Variants in SLC9B1 observed in about 807,000 individuals in gnomAD.
SLC9B1 encodes the protein solute carrier family 9 member B1, also known as sodium/hydrogen exchanger 9B1.
In SLC9B1, 32 loss-of-function variants were observed where a neutral mutation model predicts 51.7. That is an observed-to-expected ratio of 0.62 (90% CI 0.47 to 0.83). The LOEUF (loss-of-function observed/expected upper bound fraction) is 0.83, where lower values mean the gene tolerates loss of function less well. Among genes scored for constraint, SLC9B1 ranks in the 40% least tolerant of loss-of-function variants. SLC9B1 has a pLI of 0.00. For missense variants in SLC9B1, 406 were observed against 613.2 expected, an observed-to-expected ratio of 0.66 and a Z score of 3.57; for synonymous variants, 145 against 212.7, an observed-to-expected ratio of 0.68 and a Z score of 2.77.
intron 1 of SLC9B1, among the ~76,000 whole-genome samples, chr4:102,997,449 A>C (rs1740285359): frequency 6.6e-6 from 1 of 152,168 alleles, no homozygotes; most frequent in African/African-American, 2.4e-5. Context: ...AAAAATTATA[A>C]CTTTAAAAAT....
intron 6 of SLC9B1, among the ~76,000 whole-genome samples, chr4:102,943,537 A>ACACACACACACC (rs369522217): frequency 2.6e-5 from 4 of 151,544 alleles, no homozygotes; most frequent in African/African-American, 7.3e-5. Flanking sequence ...ACACACACAC[A>ACACACACACACC]CCATCGACAG....
At chr4:102,945,759 T>C (rs1410866239) in intron 5 of SLC9B1, among the ~76,000 whole-genome samples, 5 of 152,126 alleles carry the variant, frequency 3.3e-5, no homozygotes, top group Non-Finnish European at 7.4e-5. Context: ...GGGAGAACTT[T>C]TCAATGTTCT....
At chr4:102,962,969 T>C (rs1738218804) in intron 3 of SLC9B1, 3 of 461,768 alleles carry the variant, frequency 6.5e-6, no homozygotes, top group Non-Finnish European at 1.3e-5. Flanking sequence ...GGAATCCATC[T>C]TGAATGTTGT....
Position 102,945,317 on chromosome 4 carries a change from A to G in SLC9B1, c.529T>C (p.Leu177=). Residue 177 remains leucine (L), a synonymous_variant, in exon 6 of 12, where the codon TTG becomes CTG. Coordinates refer to ENST00000296422, the MANE Select transcript of SLC9B1 (RefSeq NM_139173.4). ...AAACAAACGACCTTCAAATGCCTCA[A>G]AGCCTGAAACACAAAACAGTCACAC... ...RAGLGLDPQA[L]RHLKVVCFRL... The G allele has an allele frequency of 6.3e-7, 1 of 1,596,028 alleles. No homozygotes were observed. The highest frequency in any genetic ancestry group is 1.1e-5 in the South Asian group (1 of 88,054).
intron 6 of SLC9B1, among the ~76,000 whole-genome samples, chr4:102,935,600 G>A (rs79838573): frequency 2.0e-5 from 3 of 152,122 alleles, no homozygotes; most frequent in Non-Finnish European, 4.4e-5. Flanking sequence ...AATAAACTAC[G>A]TGTGTATCCA....
intron 11 of SLC9B1, chr4:102,885,413 T>C: frequency 6.2e-7 from 1 of 1,613,918 alleles, no homozygotes; most frequent in Non-Finnish European, 8.5e-7. Flanking sequence ...TTATTGTAGG[T>C]GTTGGCGTTC....
intron 7 of SLC9B1, among the ~76,000 whole-genome samples, chr4:102,913,203 T>G (rs1735421085): frequency 6.6e-6 from 1 of 152,212 alleles, no homozygotes; most frequent in African/African-American, 2.4e-5. Context: ...TTTATGAGGT[T>G]ACCTGAAGCT....
intron 5 of SLC9B1, among the ~76,000 whole-genome samples, chr4:102,946,315 T>A (rs1393162359): frequency 6.6e-6 from 1 of 152,178 alleles, no homozygotes; most frequent in Non-Finnish European, 1.5e-5. Context: ...TTTGTTTGTT[T>A]TGTTTTGTTT....
chr4:102,891,289 C>A (rs868180771), intron 11 of SLC9B1: 1 of 152,254 alleles, frequency 6.6e-6, no homozygotes, highest in Middle Eastern at 3.4e-3. Flanking sequence ...CTGATTTCTG[C>A]TTCTTAACAA....
At chr4:102,891,344 A>C (rs1734239755) in intron 11 of SLC9B1, 1 of 152,206 alleles carries the variant, frequency 6.6e-6, no homozygotes, top group Non-Finnish European at 1.5e-5. Flanking sequence ...GAACTACAAA[A>C]TGTGACAGCT....
At chr4:102,890,758 T>C (rs1356292447) in intron 11 of SLC9B1, 1 of 145,060 alleles carries the variant, frequency 6.9e-6, no homozygotes, top group Non-Finnish European at 1.5e-5. Flanking sequence ...AAGAATCTCT[T>C]GAGTTGAGGA....
intron 7 of SLC9B1, among the ~76,000 whole-genome samples, chr4:102,918,853 A>T (rs1735718838): frequency 6.6e-6 from 1 of 152,226 alleles, no homozygotes. Flanking sequence ...TTATAGCAGC[A>T]GGAATGGACT....
intron 3 of SLC9B1, among the ~76,000 whole-genome samples, chr4:102,983,625 AG>A (rs1298621458): frequency 2.6e-5 from 4 of 152,170 alleles, no homozygotes; most frequent in African/African-American, 9.6e-5. Flanking sequence ...GTGTCTTTCA[AG>A]GAATTGGTCC....
At chr4:102,975,586 ATTTTTTTT>A (rs1197166005) in intron 3 of SLC9B1, among the ~76,000 whole-genome samples, 7 of 62,304 alleles carry the variant, frequency 1.1e-4, no homozygotes, top group African/African-American at 5.2e-4. Flanking sequence ...ATATATATAT[ATTTTTTTT>A]TTTTTTTTTT....
intron 9 of SLC9B1, among the ~76,000 whole-genome samples, chr4:102,909,720 G>T (rs1359541580): frequency 9.9e-5 from 15 of 151,774 alleles, no homozygotes; most frequent in Non-Finnish European, 7.4e-5. Context: ...ATGTAAGGGG[G>T]TTTGATATTT....
intron 11 of SLC9B1, among the ~76,000 whole-genome samples, chr4:102,904,707 C>T (rs1400516242): frequency 8.6e-5 from 13 of 151,812 alleles, no homozygotes; most frequent in Middle Eastern, 3.4e-3. Context: ...AAAGACCAGG[C>T]GCAGTGGCTC....
At chr4:102,896,706 AC>A (rs1168454516), downstream of SLC9B1, 1 of 151,998 alleles carries the variant, frequency 6.6e-6, no homozygotes, top group East Asian at 1.9e-4. Flanking sequence ...TTACCGGGGG[AC>A]CCTTGGTTGC....
intron 3 of SLC9B1, among the ~76,000 whole-genome samples, chr4:102,949,960 CAATAAAAA>C (rs971834713): frequency 2.0e-5 from 3 of 149,626 alleles, no homozygotes; most frequent in African/African-American, 7.4e-5. Context: ...GACTCAGTCT[CAATAAAAA>C]AATAAAAAAA....
chr4:102,967,282 T>C (rs1403243932), intron 3 of SLC9B1, among the ~76,000 whole-genome samples: 3 of 152,236 alleles, frequency 2.0e-5, no homozygotes, highest in Non-Finnish European at 4.4e-5. Flanking sequence ...TCCTTCAAAC[T>C]TGTCCAACTT....
Sources: gnomAD v4.1 joint callset for allele counts (sites outside exome capture counted in the v4.1 genomes callset) on GRCh38, gnomAD v4.1.1 for gene constraint, MANE v1.5 for transcripts, NCBI Gene and HGNC (gene_info 2026-07-23, HGNC 2026-07-21) for gene names.